Variants in NECTIN2 observed in about 807,000 individuals in gnomAD.
The protein encoded by NECTIN2 is nectin cell adhesion molecule 2, also known as nectin-2.
A neutral mutation model predicts 56.9 loss-of-function variants in NECTIN2; 23 were observed. The observed-to-expected ratio is 0.40, with a 90% CI of 0.29 to 0.57. The LOEUF is 0.57. Ranked by LOEUF, NECTIN2 falls within the 20% of genes least tolerant of loss-of-function variation. The pLI is 0.38. For missense variants in NECTIN2, 587 were observed against 718.3 expected (o/e 0.82, Z 2.09); for synonymous variants, 302 against 313.8 (o/e 0.96, Z 0.40).
chr19:44,859,883 G>A (rs1054459112), intron 1 of NECTIN2, among the ~76,000 whole-genome samples: 11 of 151,088 alleles, frequency 7.3e-5, no homozygotes, highest in Non-Finnish European at 1.5e-4. Context: ...GCAAACATGC[G>A]TCCACATAAA....
chr19:44,882,661 G>T (rs3745151), intron 6 of NECTIN2, among the ~76,000 whole-genome samples: 177 of 143,430 alleles, frequency 1.2e-3, no homozygotes, highest in Non-Finnish European at 2.3e-3. Flanking sequence ...AGCCCAGTCT[G>T]GGTAACATAG....
rs772905208 is a variant in NECTIN2 at position 44,888,127 on chromosome 19, T to C, written c.1365T>C (p.His455=). 9.3e-6 allele frequency: 15 copies of C among 1,612,564 alleles called. No individual in the cohort carries two copies. The highest frequency in any genetic ancestry group is 1.2e-5 in the Non-Finnish European group (14 of 1,178,716). ...ACCTCCAGGAAATGCCTCGATACCA[T>C]GAGCTGCCCACCTTGGAAGAACGGT... ...SCTEQEMPRY[H]ELPTLEERSG... The change falls in exon 9 of 9, where the codon CAT becomes CAC. Residue 455 remains histidine (H), a synonymous_variant. Coordinates refer to ENST00000252483, the MANE Select transcript of NECTIN2 (RefSeq NM_001042724.2).
intron 5 of NECTIN2, chr19:44,879,042 G>GC (rs971041912): frequency 3.9e-6 from 2 of 516,504 alleles, no homozygotes; most frequent in Non-Finnish European, 5.0e-6. Context: ...GCTGATCCAC[G>GC]CCCCCGGGGA....
chr19:44,878,777 A>G (rs6859), intron 5 of NECTIN2: 834,772 of 1,424,266 alleles, frequency 0.59, 246,099 homozygotes, highest in Admixed American at 0.71. Flanking sequence ...GAGGTGGAAC[A>G]GCACACTGGA....
intron 1 of NECTIN2, among the ~76,000 whole-genome samples, chr19:44,860,666 T>G (rs1969021558): frequency 6.6e-6 from 1 of 151,840 alleles, no homozygotes. Context: ...AGACAGAGTC[T>G]CACTTTATCA....
chr19:44,883,324 G>C (rs1163487959), intron 6 of NECTIN2, among the ~76,000 whole-genome samples: 2 of 152,032 alleles, frequency 1.3e-5, no homozygotes, highest in African/African-American at 2.4e-5. Flanking sequence ...GCCCTGGCTG[G>C]AGTGCCAAGG....
intron 5 of NECTIN2, among the ~76,000 whole-genome samples, chr19:44,881,723 C>T (rs1395102132): frequency 1.3e-5 from 2 of 152,244 alleles, no homozygotes; most frequent in East Asian, 1.9e-4. Context: ...CCTGCAGGGC[C>T]GCTGGCTGTT....
chr19:44,854,800 G>C (rs1285733582), intron 1 of NECTIN2, among the ~76,000 whole-genome samples: 1 of 148,340 alleles, frequency 6.7e-6, no homozygotes, highest in South Asian at 2.1e-4. Context: ...GCAACAGAGT[G>C]AGACTCCACC....
chr19:44,877,163 T>C (rs910879622), intron 5 of NECTIN2, among the ~76,000 whole-genome samples: 2 of 152,196 alleles, frequency 1.3e-5, no homozygotes, highest in Non-Finnish European at 2.9e-5. Flanking sequence ...CATGACCCCC[T>C]GTTTGAAAAC....
At chr19:44,863,055 G>A (rs992048856) in intron 1 of NECTIN2, among the ~76,000 whole-genome samples, 1 of 151,630 alleles carries the variant, frequency 6.6e-6, no homozygotes, top group South Asian at 2.1e-4. Context: ...CCAGCTACTC[G>A]GGAGGCTGAG....
rs1331661238 is a variant in NECTIN2 at position 44,872,062 on chromosome 19, C to G, written c.688C>G (p.Arg230Gly). The G allele has an allele frequency of 1.8e-5, 29 of 1,614,154 alleles. No individual in the cohort carries two copies. Among genetic ancestry groups the G allele is most frequent in the Non-Finnish European group, 2.4e-5 (28 of 1,180,036 alleles). ...TSRFTLVPSG[R>G]ADGVTVTCKV... Reference sequence around the variant, plus strand: ...CCGCTTCACCTTGGTGCCCTCGGGCCGAGCAGATGGTGTCACGGTCACCTG... The same window carrying G: ...CCGCTTCACCTTGGTGCCCTCGGGCGGAGCAGATGGTGTCACGGTCACCTG... Residue 230 changes from arginine (R) to glycine (G), a missense_variant, in exon 3 of 9, where the codon CGA becomes GGA. Arg to Gly is a moderately radical substitution (Grantham distance 125). Transcript: ENST00000252483.
chr19:44,860,842 C>T (rs1422810522), intron 1 of NECTIN2, among the ~76,000 whole-genome samples: 3 of 151,906 alleles, frequency 2.0e-5, no homozygotes, highest in Middle Eastern at 3.4e-3. Flanking sequence ...CCACCCACCT[C>T]GGTCTCCCAA....
chr19:44,846,673 G>C, intron 1 of NECTIN2, 60 bp downstream of exon 1: 2 of 1,487,662 alleles, frequency 1.3e-6, no homozygotes, highest in African/African-American at 1.5e-5. Context: ...TACCTTCCGA[G>C]CTGGGGAAGC....
chr19:44,857,458 G>A (rs907118723), intron 1 of NECTIN2, among the ~76,000 whole-genome samples: 1 of 151,590 alleles, frequency 6.6e-6, no homozygotes, highest in Non-Finnish European at 1.5e-5. Context: ...CTGGAGTGTA[G>A]TGGCACAATC....
At chr19:44,847,930 GGGGAGGGAGGGGCT>G (rs1159117652) in intron 1 of NECTIN2, among the ~76,000 whole-genome samples, 1 of 152,052 alleles carries the variant, frequency 6.6e-6, no homozygotes, top group African/African-American at 2.4e-5. Flanking sequence ...CGGCCCCCCT[GGGGAGGGAGGGGCT>G]GGGAGGGAAC....
Position 44,867,446 on chromosome 19 carries a change from A to C in NECTIN2, c.478+1786A>C, listed in dbSNP as rs12461673. ...GAGGTTGAGGCTGCAGTGAGCTGTG[A>C]TTGTGCTACTGCACTCCATCCTGGA... is the stretch of plus-strand genomic sequence containing the variant. On this transcript the variant is annotated intron_variant, in intron 2 of 8. Transcript: ENST00000252483. Among the ~76,000 whole-genome samples, 1,379 of 152,358 alleles carry C rather than the reference A, an allele frequency of 9.1e-3. 64 individuals carry two copies. The highest frequency in any genetic ancestry group is 0.078 in the Admixed American group (1,199 of 15,296).
chr19:44,859,923 T>C (rs1969012478), intron 1 of NECTIN2, among the ~76,000 whole-genome samples: 4 of 152,158 alleles, frequency 2.6e-5, no homozygotes, highest in African/African-American at 9.7e-5. Context: ...CCAGCAGCTT[T>C]ATTTATCAGA....
intron 6 of NECTIN2, among the ~76,000 whole-genome samples, chr19:44,884,974 CT>C (rs990781127): frequency 1.3e-5 from 2 of 151,916 alleles, no homozygotes; most frequent in Non-Finnish European, 2.9e-5. Flanking sequence ...CCAGATCTTT[CT>C]TTTTTTTCTT....
At chr19:44,848,606 C>G (rs182858502) in intron 1 of NECTIN2, among the ~76,000 whole-genome samples, 1 of 152,204 alleles carries the variant, frequency 6.6e-6, no homozygotes, top group South Asian at 2.1e-4. Flanking sequence ...TTGACCACCC[C>G]CACCCCAATC....
Sources: allele counts gnomAD v4.1 joint callset (sites outside exome capture counted in the v4.1 genomes callset), GRCh38; gene constraint gnomAD v4.1.1; transcripts MANE v1.5; gene names NCBI Gene and HGNC (gene_info 2026-07-23, HGNC 2026-07-21).